ARHGAP24: variants seen among roughly 807,000 people sequenced by gnomAD.
ARHGAP24 encodes Rho GTPase activating protein 24.
Under a neutral mutation model 76.4 loss-of-function variants are expected in ARHGAP24, and 50 were observed. The ratio of observed to expected loss-of-function variants is 0.65; its 90% CI spans 0.52 to 0.83. ARHGAP24 has a LOEUF of 0.83. Among genes scored for constraint, ARHGAP24 ranks in the 40% least tolerant of loss-of-function variants. ARHGAP24 has a pLI of 0.00. For synonymous variants in ARHGAP24, 345 were observed against 323.3 expected (o/e 1.07, Z -0.72); for missense variants, 930 against 914.2 (o/e 1.02, Z -0.22).
chr4:85,920,911 C>G (rs540298613), intron 3 of ARHGAP24, among the ~76,000 whole-genome samples: 1 of 152,118 alleles, frequency 6.6e-6, no homozygotes, highest in Non-Finnish European at 1.5e-5. Context: ...GAAACAGGAA[C>G]ACTTATACAC....
chr4:85,489,049 T>C (rs549175846), intron 1 of ARHGAP24, among the ~76,000 whole-genome samples: 5 of 152,306 alleles, frequency 3.3e-5, no homozygotes, highest in Admixed American at 1.3e-4. Flanking sequence ...TTAAAGTAAA[T>C]TGAATATTCT....
At chr4:85,857,300 T>C (rs1019527181) in intron 3 of ARHGAP24, among the ~76,000 whole-genome samples, 64 of 152,342 alleles carry the variant, frequency 4.2e-4, no homozygotes, top group African/African-American at 1.5e-3. Flanking sequence ...ATTTACACTT[T>C]ACAAACTACA....
chr4:85,980,598 C>T (rs1739600027), intron 8 of ARHGAP24, among the ~76,000 whole-genome samples: 1 of 152,124 alleles, frequency 6.6e-6, no homozygotes, highest in Non-Finnish European at 1.5e-5. Flanking sequence ...AGAATATATA[C>T]CCATTATACA....
intron 3 of ARHGAP24, among the ~76,000 whole-genome samples, chr4:85,822,958 G>C (rs1214676715): frequency 1.3e-5 from 2 of 152,174 alleles, no homozygotes; most frequent in Non-Finnish European, 2.9e-5. Context: ...CAGATGATGA[G>C]AGTAATGGTA....
intron 1 of ARHGAP24, among the ~76,000 whole-genome samples, chr4:85,497,517 G>A (rs1371378710): frequency 6.6e-6 from 1 of 152,156 alleles, no homozygotes; most frequent in Non-Finnish European, 1.5e-5. Context: ...GTTCTTCTAT[G>A]CTAAATTAAG....
chr4:85,506,745 G>A (rs539730660), intron 1 of ARHGAP24, among the ~76,000 whole-genome samples: 145 of 152,282 alleles, frequency 9.5e-4, no homozygotes, highest in African/African-American at 3.2e-3. Context: ...CCCTCTGTGG[G>A]CTGCACCCAC....
intron 3 of ARHGAP24, among the ~76,000 whole-genome samples, chr4:85,812,533 A>T (rs1560646315): frequency 6.6e-6 from 1 of 152,152 alleles, no homozygotes; most frequent in African/African-American, 2.4e-5. Context: ...TAAAAAAAAA[A>T]ATCTCCTGTG....
At position 85,995,399 on chromosome 4, in the gene ARHGAP24, A is replaced by G. The variant is rs1740599381; in HGVS notation, c.1745A>G (p.Asp582Gly). The G allele has an allele frequency of 1.4e-5, 22 of 1,613,026 alleles. No homozygotes were observed. The highest frequency in any genetic ancestry group is 1.6e-5 in the Non-Finnish European group (19 of 1,179,232). ...TCTACCACCACCTGCCCAGAGCAAG[A>G]CTTTTTTGGGGGGAACTTTGAGGAC... ...RSSTTTCPEQ[D>G]FFGGNFEDPV... is the part of the protein sequence containing the mutation. Residue 582 changes from aspartate (D) to glycine (G), a missense_variant, in exon 9 of 10, where the codon GAC becomes GGC. Physicochemically the swap from Asp to Gly is moderately conservative, Grantham distance 94. Coordinates refer to ENST00000395184, the MANE Select transcript of ARHGAP24 (RefSeq NM_001025616.3).
intron 2 of ARHGAP24, among the ~76,000 whole-genome samples, chr4:85,590,394 C>G (rs1728044170): frequency 6.6e-6 from 1 of 151,260 alleles, no homozygotes; most frequent in Non-Finnish European, 1.5e-5. Context: ...GAGTCTCGCT[C>G]TGTCGCCCAG....
intron 3 of ARHGAP24, among the ~76,000 whole-genome samples, chr4:85,850,913 A>C (rs1240194547): frequency 6.6e-6 from 1 of 152,188 alleles, no homozygotes; most frequent in Non-Finnish European, 1.5e-5. Flanking sequence ...TGCTGAGAAG[A>C]ATGTATATTC....
At chr4:85,597,319 A>G (rs540899475) in intron 2 of ARHGAP24, among the ~76,000 whole-genome samples, 3 of 152,042 alleles carry the variant, frequency 2.0e-5, no homozygotes, top group Non-Finnish European at 4.4e-5. Flanking sequence ...ATCAAATATC[A>G]CCCACACCTT....
chr4:85,817,102 AT>A (rs1233443914), intron 3 of ARHGAP24, among the ~76,000 whole-genome samples: 3 of 152,176 alleles, frequency 2.0e-5, no homozygotes, highest in East Asian at 3.9e-4. Flanking sequence ...TCCTTTATTC[AT>A]TTTTAAAATT....
intron 3 of ARHGAP24, among the ~76,000 whole-genome samples, chr4:85,868,276 G>A (rs1732322243): frequency 6.6e-6 from 1 of 152,108 alleles, no homozygotes; most frequent in Admixed American, 6.5e-5. Context: ...AAGGGTTGTG[G>A]AAGCCAGTGT....
At position 85,577,915 on chromosome 4, in the gene ARHGAP24, T is replaced by C. The variant is rs113617676; in HGVS notation, c.180+7194T>C. On this transcript the variant is annotated intron_variant, in intron 2 of 9. Transcript: ENST00000395184. Reference sequence around the variant, plus strand: ...GATAATGGTCAAGTATTCCCATACCTAAGAAAGAGGACAAGAAGAGAGAGA... The same window carrying C: ...GATAATGGTCAAGTATTCCCATACCCAAGAAAGAGGACAAGAAGAGAGAGA... Among the ~76,000 whole-genome samples, 5 of 152,222 alleles carry C rather than the reference T, an allele frequency of 3.3e-5. 1 individual carries two copies. The highest frequency in any genetic ancestry group is 1.2e-4 in the African/African-American group (5 of 41,522).
At chr4:85,963,450 T>C (rs1434749233) in intron 5 of ARHGAP24, among the ~76,000 whole-genome samples, 1 of 152,122 alleles carries the variant, frequency 6.6e-6, no homozygotes, top group Non-Finnish European at 1.5e-5. Context: ...TTTGTTATTA[T>C]TGGAACTGAA....
chr4:85,823,712 A>G (rs1215640768), intron 3 of ARHGAP24, among the ~76,000 whole-genome samples: 1 of 152,126 alleles, frequency 6.6e-6, no homozygotes, highest in African/African-American at 2.4e-5. Flanking sequence ...AAGATTTCAA[A>G]TATGTTCAAT....
intron 8 of ARHGAP24, chr4:85,991,936 C>T (rs1740354653): frequency 5.2e-6 from 2 of 386,896 alleles, no homozygotes; most frequent in Admixed American, 4.5e-5. Flanking sequence ...TTTAAAGTCC[C>T]TAGGTTTTTT....
At chr4:85,713,268 T>A (rs900203) in intron 2 of ARHGAP24, among the ~76,000 whole-genome samples, 70,649 of 152,012 alleles carry the variant, frequency 0.46, 18,954 homozygotes, top group Non-Finnish European at 0.62. Context: ...ATTTCACTAC[T>A]GTACTCCAGC....
intron 2 of ARHGAP24, among the ~76,000 whole-genome samples, chr4:85,650,342 T>C (rs939706401): frequency 6.7e-5 from 10 of 149,756 alleles, no homozygotes; most frequent in Non-Finnish European, 1.5e-4. Context: ...TTATCAACTA[T>C]TTCATTCTTT....
Sources: allele counts gnomAD v4.1 joint callset (sites outside exome capture counted in the v4.1 genomes callset), GRCh38; gene constraint gnomAD v4.1.1; transcripts MANE v1.5; gene names NCBI Gene and HGNC (gene_info 2026-07-23, HGNC 2026-07-21).